IMMP2L: variants seen among roughly 807,000 people sequenced by gnomAD.
The protein encoded by IMMP2L is inner mitochondrial membrane peptidase subunit 2.
A neutral mutation model predicts 19.3 loss-of-function variants in IMMP2L; 18 were observed. The observed-to-expected ratio is 0.93, with a 90% CI of 0.64 to 1.38. IMMP2L has a LOEUF of 1.38. IMMP2L is among the 40% of genes most tolerant of loss of function. The pLI, the probability that IMMP2L is intolerant of heterozygous loss-of-function variation, is 0.00. For synonymous variants in IMMP2L, 76 were observed against 73.0 expected (o/e 1.04, Z -0.21); for missense variants, 233 against 218.2 (o/e 1.07, Z -0.43).
intron 5 of IMMP2L, among the ~76,000 whole-genome samples, chr7:110,819,263 G>A (rs547791194): frequency 2.0e-5 from 3 of 152,084 alleles, no homozygotes; most frequent in South Asian, 4.1e-4. Flanking sequence ...AGGTTACAGC[G>A]GAAGAGAAGC....
At chr7:110,801,714 C>T (rs570011618) in intron 5 of IMMP2L, among the ~76,000 whole-genome samples, 1 of 152,158 alleles carries the variant, frequency 6.6e-6, no homozygotes, top group Admixed American at 6.5e-5. Flanking sequence ...AGAGTCCTAA[C>T]AGGGACATAA....
At chr7:111,103,972 A>T (rs1798260889) in intron 3 of IMMP2L, among the ~76,000 whole-genome samples, 1 of 151,508 alleles carries the variant, frequency 6.6e-6, no homozygotes, top group South Asian at 2.1e-4. Flanking sequence ...CAATTCAAGA[A>T]ATTTTAGGGT....
intron 5 of IMMP2L, among the ~76,000 whole-genome samples, chr7:110,781,405 C>T (rs6945217): frequency 0.82 from 124,394 of 151,772 alleles, 51,683 homozygotes; most frequent in South Asian, 0.9. Flanking sequence ...GAATAAAATG[C>T]AATGCTTTTT....
intron 3 of IMMP2L, among the ~76,000 whole-genome samples, chr7:111,255,039 T>A (rs1212499956): frequency 6.6e-6 from 1 of 152,132 alleles, no homozygotes; most frequent in South Asian, 2.1e-4. Flanking sequence ...ATAATCTACA[T>A]GAATACATCA....
intron 3 of IMMP2L, among the ~76,000 whole-genome samples, chr7:111,461,955 C>T (rs970162092): frequency 6.6e-6 from 1 of 151,786 alleles, no homozygotes; most frequent in African/African-American, 2.4e-5. Context: ...TTTGTATGAA[C>T]AATTCCATTT....
chr7:111,043,540 T>C (rs943696046), intron 3 of IMMP2L, among the ~76,000 whole-genome samples: 4 of 152,234 alleles, frequency 2.6e-5, no homozygotes, highest in Admixed American at 1.3e-4. Flanking sequence ...ATTTGAGAGT[T>C]TTCTTTAGGT....
intron 3 of IMMP2L, among the ~76,000 whole-genome samples, chr7:111,314,534 T>G (rs945851385): frequency 6.6e-6 from 1 of 152,132 alleles, no homozygotes; most frequent in African/African-American, 2.4e-5. Flanking sequence ...CTAGAGTGAA[T>G]AAGATGAGGA....
intron 3 of IMMP2L, among the ~76,000 whole-genome samples, chr7:111,241,829 G>T: frequency 6.6e-6 from 1 of 151,820 alleles, no homozygotes; most frequent in Admixed American, 6.6e-5. Flanking sequence ...GAAACAAAAT[G>T]AAGTAAATAC....
At chr7:111,044,347 G>A (rs1006718926) in intron 3 of IMMP2L, among the ~76,000 whole-genome samples, 3 of 152,156 alleles carry the variant, frequency 2.0e-5, no homozygotes, top group Non-Finnish European at 2.9e-5. Context: ...ATCACCCGAG[G>A]TCAGGAGTTC....
intron 3 of IMMP2L, among the ~76,000 whole-genome samples, chr7:111,486,365 G>GA (rs1554518368): frequency 2.6e-5 from 4 of 151,866 alleles, no homozygotes; most frequent in Non-Finnish European, 5.9e-5. Flanking sequence ...CATCCAACAA[G>GA]AAAAAAATCC....
At chr7:111,339,349 A>G (rs1406496752) in intron 3 of IMMP2L, among the ~76,000 whole-genome samples, 1 of 151,966 alleles carries the variant, frequency 6.6e-6, no homozygotes, top group Non-Finnish European at 1.5e-5. Flanking sequence ...AAGAGAGAGT[A>G]TTTCTCTCTG....
At chr7:110,918,320 G>A (rs1056700438) in intron 4 of IMMP2L, among the ~76,000 whole-genome samples, 2 of 152,074 alleles carry the variant, frequency 1.3e-5, no homozygotes, top group African/African-American at 2.4e-5. Context: ...GGAGAAGGAA[G>A]TAATTATGAC....
intron 4 of IMMP2L, among the ~76,000 whole-genome samples, chr7:110,895,661 T>C (rs1486235253): frequency 2.0e-5 from 3 of 152,180 alleles, no homozygotes; most frequent in African/African-American, 2.4e-5. Flanking sequence ...TTAATGAACA[T>C]AGCATATCTT....
At chr7:111,542,050 AT>A (rs1422491401) in intron 1 of IMMP2L, among the ~76,000 whole-genome samples, 1 of 152,056 alleles carries the variant, frequency 6.6e-6, no homozygotes, top group East Asian at 1.9e-4. Context: ...TCATATCAAC[AT>A]TTTCGTATAT....
intron 3 of IMMP2L, among the ~76,000 whole-genome samples, chr7:111,231,213 G>C (rs889317528): frequency 4.0e-5 from 6 of 151,836 alleles, no homozygotes; most frequent in African/African-American, 1.5e-4. Context: ...AAATGCAGGA[G>C]GTAAATTATT....
At chr7:111,274,680 C>T (rs1818829465) in intron 3 of IMMP2L, among the ~76,000 whole-genome samples, 1 of 152,104 alleles carries the variant, frequency 6.6e-6, no homozygotes. Flanking sequence ...CCAGTTATAT[C>T]TCAAAAGAGA....
Position 111,521,448 on chromosome 7 carries a change from A to G in IMMP2L, c.-1T>C. On this transcript the variant is annotated splice_region_variant and 5_prime_UTR_variant, in exon 2 of 6. Coordinates refer to ENST00000405709, the MANE Select transcript of IMMP2L (RefSeq NM_032549.4). ...TCACCCACCCTTGTGACTGTGCCAT[A>G]CCTAAAAATACAAAGAAAACAACTA... The G allele has an allele frequency of 1.3e-6, 2 of 1,591,822 alleles. No individual in the cohort carries two copies. The highest frequency in any genetic ancestry group is 1.7e-6 in the Non-Finnish European group (2 of 1,171,634).
At chr7:110,887,377 C>T (rs1162807136) in intron 4 of IMMP2L, among the ~76,000 whole-genome samples, 1 of 151,268 alleles carries the variant, frequency 6.6e-6, no homozygotes, top group Non-Finnish European at 1.5e-5. Flanking sequence ...TAAGAAAAGG[C>T]TATCTCACGC....
At chr7:111,058,650 A>G (rs1285626968) in intron 3 of IMMP2L, among the ~76,000 whole-genome samples, 1 of 152,218 alleles carries the variant, frequency 6.6e-6, no homozygotes, top group Non-Finnish European at 1.5e-5. Flanking sequence ...CATCTTAAAC[A>G]CAAGGCTTTA....
Sources: allele counts gnomAD v4.1 joint callset (sites outside exome capture counted in the v4.1 genomes callset), GRCh38; gene constraint gnomAD v4.1.1; transcripts MANE v1.5; gene names NCBI Gene and HGNC (gene_info 2026-07-23, HGNC 2026-07-21).